The following ROBO2 variants were observed in gnomAD, a reference collection of about 807,000 sequenced individuals.
ROBO2 encodes roundabout guidance receptor 2.
A neutral mutation model predicts 160.8 loss-of-function variants in ROBO2; 53 were observed. The observed-to-expected ratio is 0.33, with a 90% CI of 0.26 to 0.41. The LOEUF (loss-of-function observed/expected upper bound fraction) is 0.41. Ranked by LOEUF, ROBO2 falls within the 10% of genes least tolerant of loss-of-function variation. The pLI is 1.00. For missense variants in ROBO2, 1,577 were observed against 1,722.4 expected (o/e 0.92, Z 1.49); for synonymous variants, 664 against 611.7 (o/e 1.09, Z -1.26).
At chr3:77,618,039 A>G (rs1380797191) in intron 22 of ROBO2, 1 of 478,186 alleles carries the variant, frequency 2.1e-6, no homozygotes, top group African/African-American at 2.0e-5. Context: ...AACTAGAGCA[A>G]GAATTCAAAT....
intron 5 of ROBO2, among the ~76,000 whole-genome samples, chr3:77,501,046 C>T (rs1196805254): frequency 6.6e-6 from 1 of 152,208 alleles, no homozygotes; most frequent in Non-Finnish European, 1.5e-5. Flanking sequence ...TGTGTGCCAC[C>T]TGTCATTGCC....
chr3:76,939,762 C>T (rs572078271), intron 2 of ROBO2, among the ~76,000 whole-genome samples: 2 of 152,084 alleles, frequency 1.3e-5, no homozygotes, highest in Admixed American at 6.6e-5. Context: ...CAAGCCTGGG[C>T]CACGGAGCAA....
At chr3:76,396,180 A>G (rs2077437047) in intron 2 of ROBO2, among the ~76,000 whole-genome samples, 1 of 152,186 alleles carries the variant, frequency 6.6e-6, no homozygotes, top group Non-Finnish European at 1.5e-5. Flanking sequence ...ATGCAAATCA[A>G]TAAATGTAAT....
chr3:76,941,901 G>A lies in ROBO2; in HGVS notation c.110-156113G>A, dbSNP rs1033037944. On this transcript the variant is annotated intron_variant, in intron 2 of 26. Coordinates refer to the ROBO2 transcript ENST00000487694. ...TTCATGTTTTTAAGTTGGAGAATAA[G>A]ATCGTATCTGATTAAGAAAGTGAAT... Among the ~76,000 whole-genome samples, 34 of 152,152 alleles carry A rather than the reference G, an allele frequency of 2.2e-4. 1 individual carries two copies. Among genetic ancestry groups the A allele is most frequent in the Non-Finnish European group, 1.5e-5 (1 of 68,018 alleles).
At chr3:76,293,184 TGA>T (rs1379372863) in intron 2 of ROBO2, among the ~76,000 whole-genome samples, 5 of 152,202 alleles carry the variant, frequency 3.3e-5, no homozygotes, top group Non-Finnish European at 7.3e-5. Context: ...TAGAATACAC[TGA>T]GACCCGAAAG....
intron 5 of ROBO2, among the ~76,000 whole-genome samples, chr3:77,509,336 T>G (rs2089055714): frequency 6.6e-6 from 1 of 152,076 alleles, no homozygotes; most frequent in South Asian, 2.1e-4. Flanking sequence ...GCATCTTGTC[T>G]TCCCCAGCTT....
chr3:77,382,793 C>T (rs1430744816), intron 2 of ROBO2, among the ~76,000 whole-genome samples: 1 of 152,166 alleles, frequency 6.6e-6, no homozygotes, highest in Non-Finnish European at 1.5e-5. Context: ...TGCATATATA[C>T]CACATTTTCT....
chr3:77,192,810 TTATTTTTG>T (rs1339488319), intron 2 of ROBO2, among the ~76,000 whole-genome samples: 2 of 151,760 alleles, frequency 1.3e-5, no homozygotes, highest in Non-Finnish European at 2.9e-5. Context: ...CTCACCTGGC[TTATTTTTG>T]TATTTTTGTA....
At chr3:76,818,022 G>A (rs1354756393) in intron 2 of ROBO2, among the ~76,000 whole-genome samples, 1 of 151,946 alleles carries the variant, frequency 6.6e-6, no homozygotes, top group African/African-American at 2.4e-5. Flanking sequence ...ACCCAGTAGT[G>A]GGATTGTTGG....
chr3:76,311,200 C>T (rs796936297), intron 2 of ROBO2: 3 of 152,294 alleles, frequency 2.0e-5, no homozygotes, highest in African/African-American at 7.2e-5. Flanking sequence ...CAAAACAACA[C>T]CTACCTCAGG....
intron 2 of ROBO2, among the ~76,000 whole-genome samples, chr3:77,191,888 A>G (rs2081889372): frequency 6.6e-6 from 1 of 152,204 alleles, no homozygotes; most frequent in Non-Finnish European, 1.5e-5. Context: ...AAAGACTTGT[A>G]AAAGTATACT....
chr3:77,603,640 T>C lies in ROBO2; in HGVS notation c.3136+1149T>C, dbSNP rs542374059. 83 of 152,700 alleles carry C rather than the reference T, an allele frequency of 5.4e-4. 1 individual carries two copies. Among genetic ancestry groups the C allele is most frequent in the African/African-American group, 1.9e-3 (77 of 41,576 alleles). 9.5% of individuals were successfully genotyped at this position (152,700 alleles called of 1,614,324 possible). Reference sequence around the variant, plus strand: ...TAAATTTTAATATGTATTTGAGATATATCAGCTAAACTGACAATCTATAAT... The same window carrying C: ...TAAATTTTAATATGTATTTGAGATACATCAGCTAAACTGACAATCTATAAT... On this transcript the variant is annotated intron_variant, in intron 20 of 25. Coordinates refer to ENST00000461745, the Ensembl canonical transcript of ROBO2.
chr3:77,440,888 G>T (rs551375491), intron 2 of ROBO2, among the ~76,000 whole-genome samples: 19 of 152,098 alleles, frequency 1.2e-4, no homozygotes, highest in East Asian at 3.9e-4. Context: ...GACGGGAGGA[G>T]AGGATATGTC....
At chr3:77,196,143 T>C (rs1407458780) in intron 2 of ROBO2, among the ~76,000 whole-genome samples, 2 of 152,152 alleles carry the variant, frequency 1.3e-5, no homozygotes, top group Admixed American at 6.5e-5. Flanking sequence ...AGACAGCTAA[T>C]AGGGGAGCCC....
chr3:77,603,479 C>T (rs190719978), intron 20 of ROBO2, among the ~76,000 whole-genome samples: 188 of 151,970 alleles, frequency 1.2e-3, no homozygotes, highest in African/African-American at 4.0e-3. Flanking sequence ...GACAAGATTT[C>T]GAAATACCAT....
chr3:76,077,997 C>T (rs900851948), intron 2 of ROBO2, among the ~76,000 whole-genome samples: 1 of 152,198 alleles, frequency 6.6e-6, no homozygotes, highest in African/African-American at 2.4e-5. Context: ...TTACTGCTAA[C>T]AACCCTGCTT....
intron 6 of ROBO2, among the ~76,000 whole-genome samples, chr3:77,539,352 T>G (rs1242075380): frequency 6.6e-6 from 1 of 152,188 alleles, no homozygotes; most frequent in Non-Finnish European, 1.5e-5. Flanking sequence ...GTAGCAGCAC[T>G]CTCTACAAAA....
intron 2 of ROBO2, among the ~76,000 whole-genome samples, chr3:75,992,661 C>T (rs955414076): frequency 1.3e-5 from 2 of 152,152 alleles, no homozygotes; most frequent in African/African-American, 4.8e-5. Context: ...GGCCACTGTC[C>T]TCCAGAACTC....
chr3:76,308,396 A>AT (rs2071423632), intron 2 of ROBO2, among the ~76,000 whole-genome samples: 1 of 146,346 alleles, frequency 6.8e-6, no homozygotes, highest in South Asian at 2.2e-4. Context: ...AAAAAAAAAA[A>AT]AGAAAGAAAG....
Sources: allele counts gnomAD v4.1 joint callset (sites outside exome capture counted in the v4.1 genomes callset), GRCh38; gene constraint gnomAD v4.1.1; transcripts MANE v1.5; gene names NCBI Gene and HGNC (gene_info 2026-07-23, HGNC 2026-07-21).